SPG11: variants seen among roughly 807,000 people sequenced by gnomAD.
SPG11 encodes the protein spatacsin.
In SPG11, 222 loss-of-function variants were observed where a neutral mutation model predicts 274.0. That is an observed-to-expected ratio of 0.81 (90% CI 0.73 to 0.91). The LOEUF (loss-of-function observed/expected upper bound fraction) is 0.91, where lower values mean the gene tolerates loss of function less well. Ranked by LOEUF, SPG11 falls within the 40% of genes least tolerant of loss-of-function variation. The pLI, the probability that SPG11 is intolerant of heterozygous loss-of-function variation, is 0.00. For synonymous variants in SPG11, 1,144 were observed against 1,039.7 expected (o/e 1.10, Z -1.93); for missense variants, 3,114 against 2,872.7 (o/e 1.08, Z -1.92).
intron 19 of SPG11, 80 bp from the exon 20 acceptor site, chr15:44,606,171 C>G: frequency 8.1e-7 from 1 of 1,237,978 alleles, no homozygotes; most frequent in Non-Finnish European, 1.2e-6. Flanking sequence ...GAAAGGACTT[C>G]AGAGGTAGTC....
intron 7 of SPG11, among the ~76,000 whole-genome samples, chr15:44,643,939 C>T (rs959698931): frequency 6.6e-6 from 1 of 151,690 alleles, no homozygotes; most frequent in African/African-American, 2.4e-5. Flanking sequence ...TGAGGCAGGC[C>T]GATCAAGAGG....
chr15:44,571,059 G>C (rs917815590), intron 33 of SPG11, among the ~76,000 whole-genome samples: 3 of 152,112 alleles, frequency 2.0e-5, no homozygotes, highest in Non-Finnish European at 4.4e-5. Flanking sequence ...AGTGCCATTT[G>C]GTGTTCTGGC....
Position 44,584,530 on chromosome 15 carries a change from T to A in SPG11, c.5150A>T (p.His1717Leu). The change falls in exon 30 of 40, where the codon CAC becomes CTC. Residue 1717 changes from histidine (H) to leucine (L), a missense_variant. Transcript: ENST00000261866. ...TTGTTTTAGTGACCACTGTTCAATG[T>A]GTTTTAGGGTCTGCATTTCCTGTGT... ...EITQEMQTLKHIEQWSLKQAR... is the reference protein window; with the variant it reads ...EITQEMQTLKLIEQWSLKQAR... The A allele has an allele frequency of 6.2e-7, 1 of 1,612,330 alleles. No individual in the cohort carries two copies.
At chr15:44,642,586 C>T (rs887282970) in intron 7 of SPG11, among the ~76,000 whole-genome samples, 1 of 151,262 alleles carries the variant, frequency 6.6e-6, no homozygotes, top group Non-Finnish European at 1.5e-5. Context: ...AATGGCTGGG[C>T]ATGGTGGCTT....
In SPG11 at chr15:44,584,005, T is replaced by C. The variant is rs1255353236; in HGVS notation, c.5675A>G (p.His1892Arg). The C allele has an allele frequency of 2.5e-6, 4 of 1,614,244 alleles. No individual in the cohort carries two copies. Among genetic ancestry groups the C allele is most frequent in the East Asian group, 2.2e-5 (1 of 44,890 alleles). Residue 1892 changes from histidine (H) to arginine (R), a missense_variant, in exon 30 of 40, where the codon CAT (histidine) becomes CGT (arginine). Transcript: ENST00000261866. ...IGRLLDDGCVHEASRVCRYFH... is the reference protein window; with the variant it reads ...IGRLLDDGCVREASRVCRYFH... ...ATACCGGCATACTCTACTTGCTTCA[T>C]GCACACAGCCATCATCCAGTAGGCG...
chr15:44,599,413 C>T (rs1330851542), intron 21 of SPG11, among the ~76,000 whole-genome samples: 1 of 152,112 alleles, frequency 6.6e-6, no homozygotes, highest in Non-Finnish European at 1.5e-5. Flanking sequence ...GATTCTCCTG[C>T]CTCAGCCTCC....
chr15:44,613,556 A>AC lies in SPG11; in HGVS notation c.3039-21_3039-20insG, dbSNP rs771169972. 4.6e-6 allele frequency: 7 copies of AC among 1,505,806 alleles called. No individual in the cohort carries two copies. Among genetic ancestry groups the AC allele is most frequent in the Non-Finnish European group, 6.5e-6 (7 of 1,082,310 alleles). 93.3% of individuals were successfully genotyped at this position (1,505,806 alleles called of 1,614,324 possible). ...CTAAGTCTGTATATAAAACAAACAA[A>AC]AACCTTCTTTGATTAACATACAGGA... On this transcript the variant is annotated intron_variant, in intron 16 of 39. Transcript: ENST00000261866.
chr15:44,659,937 T>C (rs2085056147), intron 2 of SPG11, among the ~76,000 whole-genome samples: 1 of 152,124 alleles, frequency 6.6e-6, no homozygotes, highest in South Asian at 2.1e-4. Flanking sequence ...GGCGGGCGCC[T>C]GTAGTCTAAG....
rs1000304290 is a variant in SPG11, at chr15:44,615,353, C to T, written c.3038+10G>A. 1.2e-6 allele frequency: 2 copies of T among 1,611,804 alleles called. No individual in the cohort carries two copies. The highest frequency in any genetic ancestry group is 1.7e-6 in the Non-Finnish European group (2 of 1,178,768). On this transcript the variant is annotated intron_variant, in intron 16 of 39. Coordinates refer to ENST00000261866, the MANE Select transcript of SPG11 (RefSeq NM_025137.4). ...ACCTGCTCAAGGACAAATGCATTCT[C>T]AGTACTCACTTGTAACAGTCAAGGT...
chr15:44,596,399 T>C lies in SPG11; in HGVS notation c.4162-44A>G, dbSNP rs982344361. 2.5e-6 allele frequency: 4 copies of C among 1,608,978 alleles called. No homozygotes were observed. In the South Asian group the frequency reaches 3.3e-5, roughly 13 times the overall value. On this transcript the variant is annotated intron_variant, in intron 24 of 39. Transcript: ENST00000261866. Reference sequence around the variant, plus strand: ...GATTAAACAGAAACCCAACTTTCAGTTTCAGCTGGAGCTGAAAATGTTAGA... The same window carrying C: ...GATTAAACAGAAACCCAACTTTCAGCTTCAGCTGGAGCTGAAAATGTTAGA...
intron 34 of SPG11, among the ~76,000 whole-genome samples, chr15:44,569,950 C>T (rs544088644): frequency 8.1e-4 from 123 of 152,308 alleles, no homozygotes; most frequent in African/African-American, 1.9e-3. Context: ...TCAGGCAATC[C>T]GCCTGCCTCG....
Position 44,651,618 on chromosome 15 carries a change from C to A in SPG11, c.1329G>T (p.Val443=), listed in dbSNP as rs2141106230. The change falls in exon 6 of 40, where the codon GTG becomes GTT. Residue 443 remains valine, a synonymous_variant. Coordinates refer to ENST00000261866, the MANE Select transcript of SPG11 (RefSeq NM_025137.4). ...TGFTALFTWE[V]ERMGYTITLW... ...GGGTAATGGTATAGCCCATCCTTTC[C>A]ACTTCCCAAGTAAACAGTGCAGTGA... 2.5e-6 allele frequency: 4 copies of A among 1,614,212 alleles called. No homozygotes were observed. The highest frequency in any genetic ancestry group is 3.4e-6 in the Non-Finnish European group (4 of 1,180,034).
intron 4 of SPG11, among the ~76,000 whole-genome samples, chr15:44,656,016 A>C (rs2084929854): frequency 6.6e-6 from 1 of 152,226 alleles, no homozygotes; most frequent in African/African-American, 2.4e-5. Context: ...TATATAAAAA[A>C]GAGAGGAAAT....
At chr15:44,652,320 T>G in intron 4 of SPG11, 54 bp from the exon 5 acceptor site, 1 of 1,588,188 alleles carries the variant, frequency 6.3e-7, no homozygotes, top group Non-Finnish European at 8.6e-7. Context: ...AAACCCAAAT[T>G]TGTGTTACTA....
chr15:44,637,877 A>G (rs1053063234), intron 7 of SPG11, among the ~76,000 whole-genome samples: 1 of 152,238 alleles, frequency 6.6e-6, no homozygotes, highest in African/African-American at 2.4e-5. Flanking sequence ...AAGGCATAGG[A>G]GACGATAGCT....
At chr15:44,601,106 C>T (rs939927117) in intron 20 of SPG11, among the ~76,000 whole-genome samples, 19 of 151,992 alleles carry the variant, frequency 1.3e-4, no homozygotes, top group African/African-American at 4.3e-4. Context: ...GAGCCAAGAT[C>T]GCGCCATTGC....
At chr15:44,602,107 A>G (rs909500688) in intron 20 of SPG11, among the ~76,000 whole-genome samples, 5 of 152,232 alleles carry the variant, frequency 3.3e-5, no homozygotes, top group African/African-American at 1.2e-4. Flanking sequence ...TAGTTCTAAC[A>G]GTTTTACTGG....
intron 11 of SPG11, among the ~76,000 whole-genome samples, chr15:44,625,794 CT>C (rs766012707): frequency 1.3e-4 from 20 of 152,146 alleles, no homozygotes; most frequent in Non-Finnish European, 8.8e-5. Flanking sequence ...TTTTCCCTGC[CT>C]CAGCCTCCCC....
chr15:44,585,953 G>A, intron 28 of SPG11, 103 bp from the exon 29 acceptor site: 1 of 708,812 alleles, frequency 1.4e-6, no homozygotes. Context: ...GTTTAACATA[G>A]TAATGTGGTT....
Sources: gnomAD v4.1 joint callset for allele counts (sites outside exome capture counted in the v4.1 genomes callset) on GRCh38, gnomAD v4.1.1 for gene constraint, MANE v1.5 for transcripts, NCBI Gene and HGNC (gene_info 2026-07-23, HGNC 2026-07-21) for gene names.